Variants in PCDHGB2 observed in about 807,000 individuals in gnomAD.
The protein encoded by PCDHGB2 is protocadherin gamma subfamily B, 2.
PCDHGB2 carries 55 observed loss-of-function variants against 59.3 expected under a neutral mutation model. The observed-to-expected ratio is 0.93, with a 90% confidence interval of 0.75 to 1.16. PCDHGB2 has a LOEUF of 1.16. PCDHGB2 is among the 50% of genes most tolerant of loss of function. The probability of loss-of-function intolerance (pLI) is 0.00; values close to 1 mark genes in which losing one functional copy is unlikely to be tolerated. For synonymous variants in PCDHGB2, 516 were observed against 512.0 expected (o/e 1.01, Z -0.11); for missense variants, 1,228 against 1,198.5 (o/e 1.02, Z -0.36).
At chr5:141,413,189 G>C in intron 1 of PCDHGB2, 7 of 1,606,972 alleles carry the variant, frequency 4.4e-6, no homozygotes, top group Non-Finnish European at 6.0e-6. Context: ...GCCGCTCAAA[G>C]GAATCGCTCA....
chr5:141,383,239 A>T, intron 1 of PCDHGB2: 1 of 1,613,966 alleles, frequency 6.2e-7, no homozygotes, highest in South Asian at 1.1e-5. Flanking sequence ...GGAAGATAAA[A>T]TGAATCTTTA....
chr5:141,393,905 A>G, intron 1 of PCDHGB2: 1 of 1,614,030 alleles, frequency 6.2e-7, no homozygotes, highest in Non-Finnish European at 8.5e-7. Flanking sequence ...TTCCCGGGAC[A>G]GTAATTGCCT....
At chr5:141,405,231 C>T in intron 1 of PCDHGB2, 2 of 1,614,130 alleles carry the variant, frequency 1.2e-6, no homozygotes, top group Non-Finnish European at 1.7e-6. Flanking sequence ...TTCTCCCTCA[C>T]CGCTGACTCA....
chr5:141,470,022 G>A (rs892106953), intron 1 of PCDHGB2, among the ~76,000 whole-genome samples: 2 of 152,188 alleles, frequency 1.3e-5, no homozygotes, highest in African/African-American at 2.4e-5. Context: ...CCAGCTACTC[G>A]GGATGCTGAG....
intron 1 of PCDHGB2, chr5:141,372,934 G>A (rs1469163224): frequency 3.5e-6 from 3 of 866,562 alleles, no homozygotes; most frequent in Non-Finnish European, 5.1e-6. Flanking sequence ...CTGGTGTAGA[G>A]TAGGGTGTCT....
intron 1 of PCDHGB2, chr5:141,393,662 A>G (rs1442061423): frequency 6.2e-7 from 1 of 1,613,816 alleles, no homozygotes; most frequent in African/African-American, 1.3e-5. Context: ...AATTCCGGAA[A>G]ATTAATGAAA....
At chr5:141,408,956 A>G in intron 1 of PCDHGB2, 1 of 1,613,714 alleles carries the variant, frequency 6.2e-7, no homozygotes, top group Non-Finnish European at 8.5e-7. Flanking sequence ...AATTAGTCTT[A>G]GTGAAAATCT....
At chr5:141,399,621 C>G (rs757586675) in intron 1 of PCDHGB2, 1 of 1,613,948 alleles carries the variant, frequency 6.2e-7, no homozygotes. Context: ...TGGCACTGGC[C>G]TCTTACGTGT....
Position 141,476,838 on chromosome 5 carries a change from C to T in PCDHGB2, c.2422-17969C>T, listed in dbSNP as rs1347278637. 2.5e-6 allele frequency: 4 copies of T among 1,613,496 alleles called. No individual in the cohort carries two copies. Among genetic ancestry groups the T allele is most frequent in the Non-Finnish European group, 3.4e-6 (4 of 1,180,054 alleles). ...AAGGTGCTGGACGCGAATGACAATG[C>T]GCCTGTCTTCAACCAGTCCTTGTAC... On this transcript the variant is annotated intron_variant, in intron 1 of 3. Transcript: ENST00000522605. This position sits in a 1 kb window ranked among gnomAD's most constrained non-coding sequence, Gnocchi z 7.6.
chr5:141,404,630 C>T (rs1391155615), intron 1 of PCDHGB2: 1 of 1,614,154 alleles, frequency 6.2e-7, no homozygotes, highest in Admixed American at 1.7e-5. Flanking sequence ...TGACAATGCC[C>T]CAGAAATCCT....
rs2099623857 is a variant in PCDHGB2, at chr5:141,486,060, A to ACC, written c.2422-8744_2422-8743dup. On this transcript the variant is annotated intron_variant, in intron 1 of 3. Transcript: ENST00000522605. This position sits in a 1 kb window ranked among gnomAD's most constrained non-coding sequence, Gnocchi z 5.0. Reference sequence around the variant, plus strand: ...CGTGTAAGAAACCTCTTTAGCCTGCACCCCACTACTGGAAAGCTTACTCTT... The same window carrying ACC: ...CGTGTAAGAAACCTCTTTAGCCTGCACCCCCCACTACTGGAAAGCTTACTCTT... The ACC allele has an allele frequency of 1.2e-6, 2 of 1,613,980 alleles. No homozygotes were observed. The highest frequency in any genetic ancestry group is 1.7e-6 in the Non-Finnish European group (2 of 1,179,980).
Position 141,487,106 on chromosome 5 carries a change from A to G in PCDHGB2, c.2422-7701A>G, listed in dbSNP as rs777727830. ...TGACCTCCCACCACAGAAGCTGGTC[A>G]TTGTGGTAAAGGATAGTGGTAGTCC... On this transcript the variant is annotated intron_variant, in intron 1 of 3. Transcript: ENST00000522605. The surrounding 1 kb of genome is among the most constrained non-coding windows in gnomAD (Gnocchi z 5.0). 1 of 1,613,902 alleles carries G rather than the reference A, an allele frequency of 6.2e-7. No individual in the cohort carries two copies. The highest frequency in any genetic ancestry group is 1.3e-5 in the African/African-American group (1 of 75,028).
chr5:141,390,522 G>A, intron 1 of PCDHGB2: 1 of 557,096 alleles, frequency 1.8e-6, no homozygotes, highest in Non-Finnish European at 3.1e-6. Flanking sequence ...AAGCAATGAG[G>A]GTGTGGTTTT....
rs751243167 is a variant in PCDHGB2 at position 141,361,306 on chromosome 5, A to C, written c.1171A>C (p.Lys391Gln). ...EVYCQVLGNA[K>Q]FILKSSSKNY... ...TTACTGCCAAGTGTTGGGAAATGCC[A>C]AGTTTATTTTGAAATCTTCCTCAAA... Residue 391 changes from lysine to glutamine, a missense_variant, in exon 1 of 4, where the codon AAG becomes CAG. Physicochemically the swap from Lys to Gln is moderately conservative, Grantham distance 53. This residue lies in a region of PCDHGB2 where 781 missense variants were observed against 721.6 expected (regional missense o/e 1.08). Transcript: ENST00000522605. The C allele has an allele frequency of 6.2e-7, 1 of 1,613,858 alleles. No individual in the cohort carries two copies. The highest frequency in any genetic ancestry group is 1.3e-5 in the African/African-American group (1 of 74,922).
Position 141,485,060 on chromosome 5 carries a change from G to T in PCDHGB2, c.2422-9747G>T. The T allele has an allele frequency of 1.2e-6, 1 of 862,304 alleles. No individual in the cohort carries two copies. 53.4% of individuals were successfully genotyped at this position (862,304 alleles called of 1,614,324 possible). ...ACCCTTGCGGCGCCGGCCGAACCGC[G>T]CCAGAGCTGGCGCGGGGAAAGGGAG... On this transcript the variant is annotated intron_variant, in intron 1 of 3. Coordinates refer to ENST00000522605, the MANE Select transcript of PCDHGB2 (RefSeq NM_018923.3). The surrounding 1 kb of genome is among the most constrained non-coding windows in gnomAD (Gnocchi z 5.7).
At chr5:141,457,784 T>G (rs1021614051) in intron 1 of PCDHGB2, among the ~76,000 whole-genome samples, 1 of 152,210 alleles carries the variant, frequency 6.6e-6, no homozygotes, top group Non-Finnish European at 1.5e-5. Flanking sequence ...TACCTGTGAG[T>G]TGGGTTATCC....
chr5:141,481,880 C>CTCCA (rs1483509373), intron 1 of PCDHGB2, among the ~76,000 whole-genome samples: 1 of 145,300 alleles, frequency 6.9e-6, no homozygotes, highest in Non-Finnish European at 1.5e-5. Context: ...CGCCACTGCA[C>CTCCA]TCCAGCCTGG....
intron 1 of PCDHGB2, chr5:141,366,536 C>T (rs779007704): frequency 1.9e-6 from 3 of 1,614,132 alleles, no homozygotes; most frequent in African/African-American, 1.3e-5. Context: ...GGCGGGTGTG[C>T]CCGCCTCGCA....
chr5:141,403,482 A>C (rs764737675), intron 1 of PCDHGB2: 2 of 1,613,892 alleles, frequency 1.2e-6, no homozygotes, highest in Non-Finnish European at 1.7e-6. Flanking sequence ...CCCAATCACC[A>C]CTTCTCCCTG....
Sources: allele counts gnomAD v4.1 joint callset (sites outside exome capture counted in the v4.1 genomes callset), GRCh38; gene constraint gnomAD v4.1.1; regional missense constraint gnomAD v4.1.1; non-coding constraint Gnocchi (gnomAD v3.1); transcripts MANE v1.5; gene names NCBI Gene and HGNC (gene_info 2026-07-23, HGNC 2026-07-21).